CPNE4: variants seen among roughly 807,000 people sequenced by gnomAD.
CPNE4 encodes copine-4.
Under a neutral mutation model 67.9 loss-of-function variants are expected in CPNE4, and 25 were observed. That is an observed-to-expected ratio of 0.37 (90% CI 0.27 to 0.51). The LOEUF (loss-of-function observed/expected upper bound fraction) is 0.51. Ranked by LOEUF, CPNE4 falls within the 20% of genes least tolerant of loss-of-function variation. The pLI is 0.93. For synonymous variants in CPNE4, 242 were observed against 244.9 expected (o/e 0.99, Z 0.11); for missense variants, 464 against 690.8 (o/e 0.67, Z 3.68).
intron 1 of CPNE4, among the ~76,000 whole-genome samples, chr3:131,997,734 A>AT (rs1234915620): frequency 6.6e-5 from 10 of 152,164 alleles, no homozygotes; most frequent in African/African-American, 2.4e-4. Context: ...AATGCTCAGC[A>AT]TGGTCACAGG....
intron 3 of CPNE4, among the ~76,000 whole-genome samples, chr3:131,722,621 C>T (rs969268261): frequency 6.6e-6 from 1 of 152,142 alleles, no homozygotes; most frequent in Non-Finnish European, 1.5e-5. Context: ...AGGTCTACGA[C>T]CTTGTATAGA....
chr3:131,984,765 T>C (rs566249760), intron 1 of CPNE4, among the ~76,000 whole-genome samples: 78 of 152,352 alleles, frequency 5.1e-4, no homozygotes, highest in Non-Finnish European at 7.9e-4. Flanking sequence ...TGATAGGAGT[T>C]GGTAGATTAA....
intron 7 of CPNE4, among the ~76,000 whole-genome samples, chr3:131,653,566 G>T (rs2079871005): frequency 6.6e-6 from 1 of 152,088 alleles, no homozygotes; most frequent in African/African-American, 2.4e-5. Context: ...TCACTCCTCT[G>T]CATAGAGGCC....
chr3:131,962,124 C>G (rs1365728791), intron 1 of CPNE4, among the ~76,000 whole-genome samples: 5 of 152,062 alleles, frequency 3.3e-5, no homozygotes, highest in African/African-American at 1.2e-4. Context: ...AGTAGACTCC[C>G]CTTCTAACCT....
At chr3:131,817,896 C>A (rs2084807294) in intron 2 of CPNE4, among the ~76,000 whole-genome samples, 1 of 152,162 alleles carries the variant, frequency 6.6e-6, no homozygotes, top group African/African-American at 2.4e-5. Flanking sequence ...GAAACACCAC[C>A]TACTCACATC....
chr3:131,857,842 C>T (rs1315303487), intron 2 of CPNE4, among the ~76,000 whole-genome samples: 1 of 151,968 alleles, frequency 6.6e-6, no homozygotes, highest in African/African-American at 2.4e-5. Flanking sequence ...ATACAATCCT[C>T]ATTTCTCCTA....
chr3:131,964,303 A>C (rs2107929236), intron 1 of CPNE4, among the ~76,000 whole-genome samples: 1 of 152,174 alleles, frequency 6.6e-6, no homozygotes, highest in East Asian at 1.9e-4. Context: ...CAAAAACCAG[A>C]ATGCCTTATC....
Position 132,023,601 on chromosome 3 carries a change from C to A in CPNE4, c.-2+10966G>T, listed in dbSNP as rs184556152. Among the ~76,000 whole-genome samples, 529 of 150,272 alleles carry A rather than the reference C, an allele frequency of 3.5e-3. 6 individuals are homozygous for A. Among genetic ancestry groups the A allele is most frequent in the African/African-American group, 0.012 (497 of 41,068 alleles). On this transcript the variant is annotated intron_variant, in intron 1 of 15. Coordinates refer to ENST00000429747, the MANE Select transcript of CPNE4 (RefSeq NM_130808.3). ...CTCCCGGGTTCACGCCATTCTCCTG[C>A]CTCAGCCTCCCGAGTAGCTGGGACC...
intron 2 of CPNE4, among the ~76,000 whole-genome samples, chr3:131,782,076 A>T (rs2083444083): frequency 6.6e-6 from 1 of 152,142 alleles, no homozygotes; most frequent in South Asian, 2.1e-4. Flanking sequence ...GTATTTTAAA[A>T]ATACCACTAC....
chr3:131,760,436 T>G (rs1229613959), intron 2 of CPNE4, among the ~76,000 whole-genome samples: 2 of 152,080 alleles, frequency 1.3e-5, no homozygotes, highest in African/African-American at 2.4e-5. Context: ...ACCTCTTCCT[T>G]AAAGTAATTT....
At chr3:131,780,034 C>G (rs958953080) in intron 2 of CPNE4, among the ~76,000 whole-genome samples, 3 of 152,058 alleles carry the variant, frequency 2.0e-5, no homozygotes, top group African/African-American at 7.2e-5. Flanking sequence ...TGAACAAACA[C>G]TTCTCAAAAT....
intron 5 of CPNE4, among the ~76,000 whole-genome samples, chr3:131,690,367 G>T (rs2081007784): frequency 6.6e-6 from 1 of 152,148 alleles, no homozygotes; most frequent in Non-Finnish European, 1.5e-5. Context: ...ACAGGATAGA[G>T]AATCCAGAAA....
In CPNE4 at chr3:131,899,918, C is replaced by T. The variant is rs370397809; in HGVS notation, c.180+5346G>A. ...AGAAACCTGTTTTGTTGACTTCTTC[C>T]ACAAGCCCTCTAGCCAAGAAAATTC... On this transcript the variant is annotated intron_variant, in intron 2 of 15. Coordinates refer to ENST00000429747, the MANE Select transcript of CPNE4 (RefSeq NM_130808.3). Among the ~76,000 whole-genome samples, 10 of 152,170 alleles carry T rather than the reference C, an allele frequency of 6.6e-5. No homozygotes were observed. The East Asian group carries it at 7.7e-4, about 12-fold the overall frequency.
intron 3 of CPNE4, among the ~76,000 whole-genome samples, chr3:131,709,242 AT>A (rs1331397721): frequency 6.6e-6 from 1 of 152,036 alleles, no homozygotes; most frequent in East Asian, 1.9e-4. Flanking sequence ...CAATAAAGCC[AT>A]TTCCTACAAA....
intron 7 of CPNE4, among the ~76,000 whole-genome samples, chr3:131,667,441 A>C (rs1177503288): frequency 6.6e-6 from 1 of 151,964 alleles, no homozygotes; most frequent in African/African-American, 2.4e-5. Flanking sequence ...TGACACAGGC[A>C]GCAGGGTGTG....
At chr3:132,001,553 G>GAAAGAAAGAAAGAAAGAAAGAA (rs1467276159) in intron 1 of CPNE4, among the ~76,000 whole-genome samples, 4 of 101,858 alleles carry the variant, frequency 3.9e-5, no homozygotes, top group African/African-American at 1.1e-4. Context: ...AAAGAAAAAA[G>GAAAGAAAGAAAGAAAGAAAGAA]AGAAAGAAAG....
chr3:131,876,239 A>AAAATAAATAAATAAAT (rs60812638), intron 2 of CPNE4, among the ~76,000 whole-genome samples: 4 of 139,788 alleles, frequency 2.9e-5, no homozygotes, highest in South Asian at 2.3e-4. Context: ...ACTCGGTCTC[A>AAAATAAATAAATAAAT]AAATAAATAA....
chr3:131,777,378 GTTTT>G (rs35495075), intron 2 of CPNE4, among the ~76,000 whole-genome samples: 1 of 142,616 alleles, frequency 7.0e-6, no homozygotes, highest in Non-Finnish European at 1.5e-5. Context: ...GCATTTCAAG[GTTTT>G]TTTTTTTTTT....
At chr3:131,603,063 C>A (rs2107727668) in intron 7 of CPNE4, among the ~76,000 whole-genome samples, 1 of 152,206 alleles carries the variant, frequency 6.6e-6, no homozygotes, top group East Asian at 1.9e-4. Context: ...GACTCTCTGT[C>A]TCTATGACTT....
Sources: allele counts gnomAD v4.1 joint callset (sites outside exome capture counted in the v4.1 genomes callset), GRCh38; gene constraint gnomAD v4.1.1; transcripts MANE v1.5; gene names NCBI Gene and HGNC (gene_info 2026-07-23, HGNC 2026-07-21).